The following MIPEP variants were observed in gnomAD, a reference collection of about 807,000 sequenced individuals.
MIPEP encodes mitochondrial intermediate peptidase.
MIPEP carries 79 observed loss-of-function variants against 90.3 expected under a neutral mutation model. The ratio of observed to expected loss-of-function variants is 0.87; its 90% CI spans 0.73 to 1.05. MIPEP has a LOEUF of 1.05. MIPEP is among the 50% of genes least tolerant of loss of function. The pLI is 0.00. For synonymous variants in MIPEP, 334 were observed against 315.8 expected (o/e 1.06, Z -0.61); for missense variants, 940 against 905.6 (o/e 1.04, Z -0.49).
chr13:23,827,304 T>C (rs781341545), intron 14 of MIPEP, among the ~76,000 whole-genome samples: 4 of 152,184 alleles, frequency 2.6e-5, no homozygotes, highest in African/African-American at 7.2e-5. Flanking sequence ...TAAGTAACTT[T>C]ATGTGAATAA....
At chr13:23,879,911 A>G (rs1012480443) in intron 3 of MIPEP, among the ~76,000 whole-genome samples, 5 of 152,140 alleles carry the variant, frequency 3.3e-5, no homozygotes, top group Non-Finnish European at 7.4e-5. Context: ...TGTGCCATCC[A>G]GAGAGCAAAG....
In MIPEP at chr13:23,841,415, G is replaced by C. The variant is rs763696790; in HGVS notation, c.1180C>G (p.Leu394Val). The C allele has an allele frequency of 6.2e-7, 1 of 1,614,090 alleles. No individual in the cohort carries two copies. Among genetic ancestry groups the C allele is most frequent in the Non-Finnish European group, 8.5e-7 (1 of 1,180,016 alleles). ...GACMEGLNIL[L>V]NRLLGISLYA... Reference sequence around the variant, plus strand: ...AATGAAATCCCCAACAGTCTGTTAAGCAAAATATTCAGGCCTTCCATGCAT... The same window carrying C: ...AATGAAATCCCCAACAGTCTGTTAACCAAAATATTCAGGCCTTCCATGCAT... Residue 394 changes from leucine (L) to valine (V), a missense_variant, in exon 11 of 19, where the codon CTT (leucine) becomes GTT (valine). By Grantham distance (32) the Leu-to-Val change is conservative (BLOSUM62 1). Transcript: ENST00000382172.
chr13:23,811,324 A>T (rs1593168019), intron 14 of MIPEP, among the ~76,000 whole-genome samples: 1 of 152,338 alleles, frequency 6.6e-6, no homozygotes, highest in Non-Finnish European at 1.5e-5. Context: ...ATAAGAAGAG[A>T]AATCTAACAT....
At chr13:23,777,172 C>T (rs1185973757) in intron 16 of MIPEP, among the ~76,000 whole-genome samples, 1 of 152,194 alleles carries the variant, frequency 6.6e-6, no homozygotes, top group East Asian at 1.9e-4. Context: ...ACCATAAACA[C>T]AGCAATGGCT....
chr13:23,881,631 C>A (rs556463538), intron 3 of MIPEP, 68 bp downstream of exon 3: 22 of 1,351,110 alleles, frequency 1.6e-5, no homozygotes, highest in African/African-American at 1.6e-4. Flanking sequence ...AAACTGCCTA[C>A]GGCACAAGTC....
chr13:23,739,598 A>C (rs910587460), intron 18 of MIPEP, among the ~76,000 whole-genome samples: 10 of 152,156 alleles, frequency 6.6e-5, no homozygotes, highest in Non-Finnish European at 1.3e-4. Context: ...ATAGGTCATG[A>C]TTTCTGCCAA....
intron 13 of MIPEP, among the ~76,000 whole-genome samples, chr13:23,837,171 TCTC>T (rs1398490736): frequency 6.6e-6 from 1 of 152,244 alleles, no homozygotes; most frequent in Non-Finnish European, 1.5e-5. Context: ...TTTATTTTCT[TCTC>T]TGATTTTGAA....
intron 15 of MIPEP, among the ~76,000 whole-genome samples, chr13:23,809,181 T>G (rs1028811764): frequency 2.0e-5 from 3 of 152,156 alleles, no homozygotes; most frequent in African/African-American, 7.2e-5. Flanking sequence ...AATTACTATC[T>G]AAACTTCAAA....
intron 10 of MIPEP, among the ~76,000 whole-genome samples, chr13:23,856,281 T>C (rs1445198336): frequency 6.6e-6 from 1 of 152,106 alleles, no homozygotes; most frequent in Non-Finnish European, 1.5e-5. Flanking sequence ...AACCCACTGC[T>C]CCCCTGACAG....
At chr13:23,786,151 C>T (rs113707964) in intron 16 of MIPEP, among the ~76,000 whole-genome samples, 1,534 of 151,768 alleles carry the variant, frequency 0.01, 8 homozygotes, top group Middle Eastern at 0.031. Flanking sequence ...TGCTTGAGCC[C>T]GGGATGTCAA....
At chr13:23,799,850 G>T (rs1361944567) in intron 16 of MIPEP, among the ~76,000 whole-genome samples, 1 of 152,136 alleles carries the variant, frequency 6.6e-6, no homozygotes, top group Non-Finnish European at 1.5e-5. Flanking sequence ...TTCTAGCTTT[G>T]AACAACTTTT....
intron 18 of MIPEP, among the ~76,000 whole-genome samples, chr13:23,743,525 T>A (rs572121309): frequency 6.6e-6 from 1 of 152,366 alleles, no homozygotes; most frequent in East Asian, 1.9e-4. Context: ...TGCTGCTCCC[T>A]GTGCTGGATT....
chr13:23,750,498 G>A (rs547638826), intron 18 of MIPEP, among the ~76,000 whole-genome samples: 7 of 152,274 alleles, frequency 4.6e-5, no homozygotes, highest in African/African-American at 1.7e-4. Context: ...ATGAGACTGG[G>A]GTTATGGGTT....
At chr13:23,840,761 AGTG>A (rs1209966063) in intron 11 of MIPEP, among the ~76,000 whole-genome samples, 4 of 152,216 alleles carry the variant, frequency 2.6e-5, no homozygotes, top group Admixed American at 1.3e-4. Context: ...ACAAAGCCTT[AGTG>A]ACACACACAG....
chr13:23,757,867 T>C (rs962531366), intron 17 of MIPEP, among the ~76,000 whole-genome samples: 3 of 152,360 alleles, frequency 2.0e-5, no homozygotes, highest in East Asian at 3.9e-4. Flanking sequence ...ACTACTCTTT[T>C]GTATTTTATG....
intron 18 of MIPEP, among the ~76,000 whole-genome samples, chr13:23,740,829 C>G (rs763125366): frequency 6.6e-5 from 10 of 152,350 alleles, no homozygotes; most frequent in South Asian, 4.1e-4. Flanking sequence ...GGAAGATGCA[C>G]AGAGGGACTG....
chr13:23,790,972 A>T (rs1952892438), intron 16 of MIPEP, among the ~76,000 whole-genome samples: 1 of 152,014 alleles, frequency 6.6e-6, no homozygotes, highest in Non-Finnish European at 1.5e-5. Context: ...ACCCCTTCAT[A>T]ATATCCACTC....
chr13:23,870,853 G>C lies in MIPEP; in HGVS notation c.604-658C>G, dbSNP rs373670538. Among the ~76,000 whole-genome samples the C allele has an allele frequency of 1.6e-4, 25 of 152,258 alleles. 1 individual carries two copies. The East Asian group carries it at 4.6e-3, about 28-fold the overall frequency. The stretch of plus-strand genomic sequence containing the variant: ...ACAGTTATTTGCAAAAGTGTAGTGA[G>C]CCTCCAGAAGGGGGAAGCACATTTT... On this transcript the variant is annotated intron_variant, in intron 5 of 18. Coordinates refer to ENST00000382172, the MANE Select transcript of MIPEP (RefSeq NM_005932.4).
Position 23,868,131 on chromosome 13 carries a change from T to C in MIPEP, c.943+1161A>G, listed in dbSNP as rs544858170. ...GATTATATGAAAAAAAATGTAAGTGTTTTAAGGGTTCGGGGACAAAGGAGT... is the reference window on the plus strand; with the variant it reads ...GATTATATGAAAAAAAATGTAAGTGCTTTAAGGGTTCGGGGACAAAGGAGT... On this transcript the variant is annotated intron_variant, in intron 7 of 18. Transcript: ENST00000382172. Among the ~76,000 whole-genome samples, 4 of 151,882 alleles carry C rather than the reference T, an allele frequency of 2.6e-5. 1 individual carries two copies. The highest frequency in any genetic ancestry group is 2.6e-4 in the Admixed American group (4 of 15,280).
Sources: allele counts gnomAD v4.1 joint callset (sites outside exome capture counted in the v4.1 genomes callset), GRCh38; gene constraint gnomAD v4.1.1; transcripts MANE v1.5; gene names NCBI Gene and HGNC (gene_info 2026-07-23, HGNC 2026-07-21).